TBCEL: variants seen among roughly 807,000 people sequenced by gnomAD.
TBCEL encodes tubulin folding cofactor E like, also known as tubulin-specific chaperone cofactor E-like protein.
A neutral mutation model predicts 44.2 loss-of-function variants in TBCEL; 15 were observed. The ratio of observed to expected loss-of-function variants is 0.34; its 90% CI spans 0.23 to 0.52. The LOEUF is 0.52. Among genes scored for constraint, TBCEL ranks in the 20% least tolerant of loss-of-function variants. TBCEL has a pLI of 0.95. For missense variants in TBCEL, 319 were observed against 506.3 expected (o/e 0.63, Z 3.55); for synonymous variants, 171 against 185.4 (o/e 0.92, Z 0.63).
chr11:121,084,461 CCT>C (rs1946180913), intron 8 of TBCEL, among the ~76,000 whole-genome samples: 1 of 151,972 alleles, frequency 6.6e-6, no homozygotes, highest in Non-Finnish European at 1.5e-5. Context: ...TTGAGTTCTG[CCT>C]CTGTCTTTTA....
intron 1 of TBCEL, chr11:121,035,826 G>A (rs1368503318): frequency 6.6e-6 from 1 of 152,122 alleles, no homozygotes; most frequent in Non-Finnish European, 1.5e-5. Context: ...GAAAAATTGG[G>A]AATAATTTTT....
chr11:121,045,628 G>A (rs566240623), intron 2 of TBCEL, 46 bp from the exon 3 acceptor site: 7 of 1,460,992 alleles, frequency 4.8e-6, no homozygotes, highest in Admixed American at 2.2e-5. Flanking sequence ...TCTTATGTGA[G>A]TAAATACATA....
In TBCEL at chr11:121,033,254, CTTTTA is replaced by C. The variant is rs560142215; in HGVS notation, c.-125-3248_-125-3244del. On this transcript the variant is annotated intron_variant, in intron 1 of 8. Coordinates refer to ENST00000683345, the MANE Select transcript of TBCEL (RefSeq NM_001363644.2). Reference sequence around the variant, plus strand: ...TGAAAACAAGTCTAAACTATTAAAACTTTTATTATATGAGAATTGTGAGGATCATA... The same window carrying C: ...TGAAAACAAGTCTAAACTATTAAAACTTATATGAGAATTGTGAGGATCATA... 1.9e-3 allele frequency among the ~76,000 whole-genome samples: 282 copies of C among 152,192 alleles called. 1 individual carries two copies. The highest frequency in any genetic ancestry group is 6.6e-3 in the African/African-American group (273 of 41,534).
intron 8 of TBCEL, among the ~76,000 whole-genome samples, chr11:121,066,394 C>T (rs1296900995): frequency 2.0e-5 from 3 of 152,210 alleles, no homozygotes; most frequent in African/African-American, 7.2e-5. Context: ...AGAATATCTA[C>T]TCCTCTTCAG....
intron 8 of TBCEL, among the ~76,000 whole-genome samples, chr11:121,074,612 T>C (rs1946000220): frequency 6.6e-6 from 1 of 151,968 alleles, no homozygotes; most frequent in Non-Finnish European, 1.5e-5. Context: ...GTGACATAAA[T>C]TTTACCCCTT....
chr11:121,085,114 C>T (rs1946192301), intron 8 of TBCEL, among the ~76,000 whole-genome samples: 1 of 152,052 alleles, frequency 6.6e-6, no homozygotes, highest in African/African-American at 2.4e-5. Context: ...TCTCGGCTCA[C>T]TGCAACTTCC....
At chr11:121,055,701 G>A (rs544455924) in intron 6 of TBCEL, among the ~76,000 whole-genome samples, 1 of 151,900 alleles carries the variant, frequency 6.6e-6, no homozygotes, top group Admixed American at 6.6e-5. Flanking sequence ...TTTAGTATCT[G>A]TATGTAATTG....
chr11:121,080,085 G>A (rs1946099134), intron 8 of TBCEL, among the ~76,000 whole-genome samples: 1 of 152,110 alleles, frequency 6.6e-6, no homozygotes, highest in Non-Finnish European at 1.5e-5. Flanking sequence ...TGAAAGTGCT[G>A]GGATTACAGG....
chr11:121,054,416 C>T (rs1308306420), intron 5 of TBCEL, among the ~76,000 whole-genome samples: 9 of 151,850 alleles, frequency 5.9e-5, no homozygotes, highest in African/African-American at 2.2e-4. Context: ...ACCCAACACC[C>T]AGCATGGCAG....
intron 7 of TBCEL, 25 bp from the exon 8 acceptor site, chr11:121,059,944 T>G: frequency 6.6e-7 from 1 of 1,507,198 alleles, no homozygotes; most frequent in Non-Finnish European, 9.1e-7. Context: ...TTAAAAAATG[T>G]CTTTATTTTG....
chr11:121,057,969 T>C (rs1945651749), intron 6 of TBCEL, among the ~76,000 whole-genome samples: 1 of 151,910 alleles, frequency 6.6e-6, no homozygotes, highest in Non-Finnish European at 1.5e-5. Context: ...CATGAGTCTA[T>C]ATTTGAGTGA....
intron 5 of TBCEL, 63 bp from the exon 6 acceptor site, chr11:121,054,989 A>C: frequency 7.2e-7 from 1 of 1,382,520 alleles, no homozygotes; most frequent in Non-Finnish European, 9.4e-7. Flanking sequence ...AATGAATGAA[A>C]ATAGGTGTAA....
chr11:121,058,565 T>G, intron 7 of TBCEL, 94 bp downstream of exon 7: 1 of 1,491,396 alleles, frequency 6.7e-7, no homozygotes, highest in Non-Finnish European at 9.2e-7. Flanking sequence ...CACTATGAAA[T>G]TATTCATCCT....
intron 2 of TBCEL, among the ~76,000 whole-genome samples, chr11:121,042,224 C>A (rs1945347003): frequency 6.6e-6 from 1 of 152,226 alleles, no homozygotes; most frequent in South Asian, 2.1e-4. Flanking sequence ...TTTTGAACTG[C>A]TGATTGTATG....
chr11:121,043,773 A>G (rs190965265), intron 2 of TBCEL, among the ~76,000 whole-genome samples: 1 of 151,648 alleles, frequency 6.6e-6, no homozygotes, highest in East Asian at 1.9e-4. Flanking sequence ...TTTCTTCATG[A>G]CTCTGTTTCC....
At chr11:121,033,873 G>T (rs1470923928) in intron 1 of TBCEL, among the ~76,000 whole-genome samples, 1 of 151,366 alleles carries the variant, frequency 6.6e-6, no homozygotes, top group Non-Finnish European at 1.5e-5. Context: ...TACCACTCTA[G>T]TTACCCCATG....
intron 1 of TBCEL, among the ~76,000 whole-genome samples, chr11:121,030,823 A>G (rs1300825653): frequency 6.7e-6 from 1 of 149,842 alleles, no homozygotes; most frequent in Non-Finnish European, 1.5e-5. Flanking sequence ...GCTAATTTCC[A>G]TGTTTTAAAA....
At chr11:121,057,168 A>T (rs1945637126) in intron 6 of TBCEL, among the ~76,000 whole-genome samples, 1 of 151,730 alleles carries the variant, frequency 6.6e-6, no homozygotes, top group African/African-American at 2.4e-5. Flanking sequence ...ATTCTAAGGG[A>T]TGAGGATAGT....
chr11:121,075,013 C>T (rs1310699203), intron 8 of TBCEL, among the ~76,000 whole-genome samples: 1 of 151,902 alleles, frequency 6.6e-6, no homozygotes, highest in African/African-American at 2.4e-5. Flanking sequence ...CTTACTGAGA[C>T]TTCTCAAACT....
Sources: gnomAD v4.1 joint callset for allele counts (sites outside exome capture counted in the v4.1 genomes callset) on GRCh38, gnomAD v4.1.1 for gene constraint, MANE v1.5 for transcripts, NCBI Gene and HGNC (gene_info 2026-07-23, HGNC 2026-07-21) for gene names.